PARD3B: variants seen among roughly 807,000 people sequenced by gnomAD.
PARD3B encodes par-3 family cell polarity regulator beta.
Under a neutral mutation model 130.2 loss-of-function variants are expected in PARD3B, and 103 were observed. The observed-to-expected ratio is 0.79, with a 90% CI of 0.67 to 0.93. The LOEUF is 0.93. Ranked by LOEUF, PARD3B falls within the 40% of genes least tolerant of loss-of-function variation. The pLI is 0.00. For synonymous variants in PARD3B, 583 were observed against 553.2 expected, an observed-to-expected ratio of 1.05 and a Z score of -0.76; for missense variants, 1,609 against 1,499.2, an observed-to-expected ratio of 1.07 and a Z score of -1.21.
chr2:204,645,493 A>G (rs1417895117), intron 1 of PARD3B, among the ~76,000 whole-genome samples: 2 of 152,150 alleles, frequency 1.3e-5, no homozygotes, highest in African/African-American at 2.4e-5. Flanking sequence ...AACAATCTGT[A>G]CTTTGGCTTA....
At chr2:205,061,094 C>G (rs996525290) in intron 4 of PARD3B, among the ~76,000 whole-genome samples, 2 of 152,112 alleles carry the variant, frequency 1.3e-5, no homozygotes, top group Non-Finnish European at 2.9e-5. Context: ...TTACTGGAAG[C>G]TGGGCACCAT....
chr2:204,840,844 A>G (rs778319628), intron 2 of PARD3B, among the ~76,000 whole-genome samples: 2 of 152,128 alleles, frequency 1.3e-5, no homozygotes, highest in African/African-American at 4.8e-5. Context: ...ATTCTTTTTC[A>G]TTATTAGCAT....
intron 1 of PARD3B, among the ~76,000 whole-genome samples, chr2:204,638,441 A>G (rs748842090): frequency 2.0e-5 from 3 of 152,206 alleles, no homozygotes; most frequent in East Asian, 1.9e-4. Flanking sequence ...TAGCACTGCA[A>G]TGTGCTGAAT....
Position 205,035,113 on chromosome 2 carries a change from T to C in PARD3B, c.395-12468T>C, listed in dbSNP as rs559388107. Among the ~76,000 whole-genome samples the C allele has an allele frequency of 6.2e-3, 940 of 151,936 alleles. 11 individuals are homozygous for C. The highest frequency in any genetic ancestry group is 0.022 in the African/African-American group (901 of 41,428). On this transcript the variant is annotated intron_variant, in intron 3 of 22. Coordinates refer to ENST00000406610, the MANE Select transcript of PARD3B (RefSeq NM_001302769.2). Reference sequence around the variant, plus strand: ...CCTAACCTCAGGTGATCCCCCCCCCTCAGCCTCCCAAAGTGCTGGGATTAC... The same window carrying C: ...CCTAACCTCAGGTGATCCCCCCCCCCCAGCCTCCCAAAGTGCTGGGATTAC...
chr2:205,134,492 C>G (rs1219850058), intron 10 of PARD3B, among the ~76,000 whole-genome samples: 2 of 148,828 alleles, frequency 1.3e-5, no homozygotes, highest in Admixed American at 6.7e-5. Flanking sequence ...GCCACTGCAT[C>G]TAGCCTGGGC....
At chr2:205,532,355 A>G (rs544714728) in intron 21 of PARD3B, among the ~76,000 whole-genome samples, 25 of 152,284 alleles carry the variant, frequency 1.6e-4, no homozygotes, top group African/African-American at 6.0e-4. Context: ...AAAAGGCAAA[A>G]CTGTTATAAG....
At chr2:205,232,406 A>G (rs1031855553) in intron 15 of PARD3B, among the ~76,000 whole-genome samples, 4 of 152,132 alleles carry the variant, frequency 2.6e-5, no homozygotes, top group African/African-American at 9.7e-5. Context: ...CTGTACTCCA[A>G]CTTGGGTAGC....
rs1307217805 is a variant in PARD3B, at chr2:205,117,141, A to G, written c.681-1780A>G. Reference sequence around the variant, plus strand: ...GTGAATCCACCCTAACAAAAATCCAAAATGTGAACTCTTAGGATGCTGTTT... The same window carrying G: ...GTGAATCCACCCTAACAAAAATCCAGAATGTGAACTCTTAGGATGCTGTTT... On this transcript the variant is annotated intron_variant, in intron 6 of 22. Coordinates refer to ENST00000406610, the MANE Select transcript of PARD3B (RefSeq NM_001302769.2). Among the ~76,000 whole-genome samples, 8 of 152,348 alleles carry G rather than the reference A, an allele frequency of 5.3e-5. No homozygotes were observed. The East Asian group carries it at 1.3e-3, about 26-fold the overall frequency.
At chr2:204,656,770 C>A (rs1204201618) in intron 1 of PARD3B, among the ~76,000 whole-genome samples, 1 of 152,322 alleles carries the variant, frequency 6.6e-6, no homozygotes, top group Admixed American at 6.5e-5. Flanking sequence ...GTGGGCTCAT[C>A]AGAAAGACTT....
chr2:205,515,141 C>T (rs543040246), intron 21 of PARD3B, among the ~76,000 whole-genome samples: 66 of 151,674 alleles, frequency 4.4e-4, no homozygotes, highest in Admixed American at 1.8e-3. Context: ...GCCTCCAGCT[C>T]CATCCATGTT....
chr2:204,718,510 G>C (rs1054112021), intron 2 of PARD3B, among the ~76,000 whole-genome samples: 3 of 152,052 alleles, frequency 2.0e-5, no homozygotes, highest in African/African-American at 7.2e-5. Context: ...AACAGCATAG[G>C]GGAAACCACC....
In PARD3B at chr2:205,095,248, A is replaced by ATAAC. The variant is rs1483883376; in HGVS notation, c.505-9176_505-9173dup. ...TAGGAAAACTAGGGGAAAATTAGCT[A>ATAAC]TAACTGAATGTGGGAAAGAATCCAA... On this transcript the variant is annotated intron_variant, in intron 4 of 22. Transcript: ENST00000406610. Among the ~76,000 whole-genome samples, 7 of 152,188 alleles carry ATAAC rather than the reference A, an allele frequency of 4.6e-5. No homozygotes were observed. In the East Asian group the frequency reaches 1.3e-3, roughly 29 times the overall value.
chr2:204,889,562 C>G (rs1385303287), intron 2 of PARD3B, among the ~76,000 whole-genome samples: 1 of 152,106 alleles, frequency 6.6e-6, no homozygotes, highest in Admixed American at 6.5e-5. Context: ...AGCCCTGGCT[C>G]CAGAACTGTT....
At chr2:204,793,447 G>T (rs2042264421) in intron 2 of PARD3B, among the ~76,000 whole-genome samples, 1 of 152,226 alleles carries the variant, frequency 6.6e-6, no homozygotes, top group South Asian at 2.1e-4. Flanking sequence ...CCCTTTAAGT[G>T]AGGGTATTCC....
At position 204,795,510 on chromosome 2, in the gene PARD3B, C is replaced by T. The variant is rs181132223; in HGVS notation, c.222+109228C>T. Among the ~76,000 whole-genome samples, 25 of 152,268 alleles carry T rather than the reference C, an allele frequency of 1.6e-4. No homozygotes were observed. The East Asian group carries it at 4.6e-3, about 28-fold the overall frequency. On this transcript the variant is annotated intron_variant, in intron 2 of 22. Coordinates refer to ENST00000406610, the MANE Select transcript of PARD3B (RefSeq NM_001302769.2). ...GAGGAGAAATGTTCAACAGAAGGGT[C>T]AAGGCTGACAGTAAGATATCAGTCT...
intron 10 of PARD3B, among the ~76,000 whole-genome samples, chr2:205,138,032 T>C (rs1476310857): frequency 1.3e-5 from 2 of 152,172 alleles, no homozygotes; most frequent in African/African-American, 4.8e-5. Context: ...TGGAGTCCGA[T>C]AGGGAAGTGG....
At chr2:205,394,015 C>T (rs1171808071) in intron 18 of PARD3B, among the ~76,000 whole-genome samples, 4 of 151,882 alleles carry the variant, frequency 2.6e-5, no homozygotes, top group Non-Finnish European at 5.9e-5. Context: ...ATTCTAGGGA[C>T]TTAGTTTAAT....
At chr2:205,387,196 G>A (rs1290124338) in intron 18 of PARD3B, among the ~76,000 whole-genome samples, 1 of 151,956 alleles carries the variant, frequency 6.6e-6, no homozygotes, top group Non-Finnish European at 1.5e-5. Flanking sequence ...TGAAAATGTT[G>A]CCTTCTTAAA....
intron 3 of PARD3B, among the ~76,000 whole-genome samples, chr2:205,007,247 C>T (rs2125298514): frequency 6.6e-6 from 1 of 152,258 alleles, no homozygotes; most frequent in Admixed American, 6.5e-5. Context: ...GGGGCCTCAC[C>T]AGCCATGCTG....
Sources: gnomAD v4.1 joint callset for allele counts (sites outside exome capture counted in the v4.1 genomes callset) on GRCh38, gnomAD v4.1.1 for gene constraint, MANE v1.5 for transcripts, NCBI Gene and HGNC (gene_info 2026-07-23, HGNC 2026-07-21) for gene names.